ZNF438: variants seen among roughly 807,000 people sequenced by gnomAD.
ZNF438 encodes zinc finger protein 438.
A neutral mutation model predicts 38.0 loss-of-function variants in ZNF438; 25 were observed. That is an observed-to-expected ratio of 0.66 (90% CI 0.48 to 0.92). The LOEUF (loss-of-function observed/expected upper bound fraction) is 0.92, where lower values mean the gene tolerates loss of function less well. Ranked by LOEUF, ZNF438 falls within the 40% of genes least tolerant of loss-of-function variation. The pLI is 0.00. For synonymous variants in ZNF438, 372 were observed against 364.1 expected, an observed-to-expected ratio of 1.02 and a Z score of -0.25; for missense variants, 1,007 against 999.6, an observed-to-expected ratio of 1.01 and a Z score of -0.10.
chr10:30,892,925 A>G (rs567373462), intron 3 of ZNF438, among the ~76,000 whole-genome samples: 1 of 152,270 alleles, frequency 6.6e-6, no homozygotes, highest in South Asian at 2.1e-4. Flanking sequence ...TTTTTAACCC[A>G]CTGGTTGACA....
chr10:30,948,231 C>A (rs547253297), intron 1 of ZNF438, among the ~76,000 whole-genome samples: 3 of 152,206 alleles, frequency 2.0e-5, no homozygotes, highest in South Asian at 2.1e-4. Context: ...AAAGACATCC[C>A]CACCAAAAAC....
chr10:30,954,952 T>C (rs768596390), intron 1 of ZNF438, among the ~76,000 whole-genome samples: 10 of 152,172 alleles, frequency 6.6e-5, no homozygotes, highest in Non-Finnish European at 1.2e-4. Context: ...GGGAGAATCA[T>C]TATCAGGAGG....
At chr10:30,845,291 T>C (rs1296231860) in exon 6 of ZNF438, 2 of 1,614,120 alleles carry the variant, frequency 1.2e-6, no homozygotes, top group East Asian at 2.2e-5. Context: ...ATGCATGTGA[T>C]TCCTCGGAGG....
chr10:30,874,114 G>GTATATATA (rs58422289), intron 4 of ZNF438, among the ~76,000 whole-genome samples: 75 of 80,168 alleles, frequency 9.4e-4, no homozygotes, highest in Non-Finnish European at 1.2e-3. Flanking sequence ...GTGTGTGTGT[G>GTATATATA]TATATATATA....
chr10:30,845,226 A>C lies in ZNF438; in HGVS notation c.2222T>G (p.Met741Arg), dbSNP rs199764731. ...TCCTGACTGGGGTCCTTCATTTTCCATGAGCATTTCCACGCCATTCTGATG... is the reference window on the plus strand; with the variant it reads ...TCCTGACTGGGGTCCTTCATTTTCCCTGAGCATTTCCACGCCATTCTGATG... The change falls in exon 6 of 6, where the codon ATG becomes AGG. Residue 741 changes from methionine (M) to arginine (R), a missense_variant. Transcript: ENST00000413025. 2.4e-5 allele frequency: 38 copies of C among 1,614,062 alleles called. No homozygotes were observed. In the East Asian group the frequency reaches 8.2e-4, roughly 35 times the overall value.
intron 4 of ZNF438, among the ~76,000 whole-genome samples, chr10:30,874,136 ATATATATATATATATAT>A (rs2038017052): frequency 2.9e-5 from 2 of 69,720 alleles, no homozygotes; most frequent in Admixed American, 2.6e-4. Flanking sequence ...ATATATATAT[ATATATATATATATATAT>A]ATATATATAT....
chr10:30,906,910 T>C (rs1336650523), intron 3 of ZNF438, among the ~76,000 whole-genome samples: 1 of 152,194 alleles, frequency 6.6e-6, no homozygotes, highest in Non-Finnish European at 1.5e-5. Flanking sequence ...ATATATCCCA[T>C]TTGGTCTTGG....
chr10:30,954,201 G>A (rs56270206), intron 1 of ZNF438, among the ~76,000 whole-genome samples: 4,944 of 152,154 alleles, frequency 0.032, 244 homozygotes, highest in African/African-American at 0.11. Flanking sequence ...ATTTCTAGGC[G>A]AAAGGTTGAA....
At chr10:31,001,283 T>C (rs370948097) in intron 1 of ZNF438, among the ~76,000 whole-genome samples, 85 of 152,374 alleles carry the variant, frequency 5.6e-4, no homozygotes, top group African/African-American at 1.8e-3. Flanking sequence ...TCGCTGATAA[T>C]GTGAATGTAT....
intron 1 of ZNF438, among the ~76,000 whole-genome samples, chr10:30,948,151 C>A (rs996741896): frequency 6.6e-6 from 1 of 152,160 alleles, no homozygotes; most frequent in African/African-American, 2.4e-5. Flanking sequence ...CGACATCTCA[C>A]ACGGCAGGGT....
At chr10:30,850,421 A>G in intron 4 of ZNF438, 54 bp from the exon 6 acceptor site, 1 of 1,544,582 alleles carries the variant, frequency 6.5e-7, no homozygotes, top group South Asian at 1.3e-5. Flanking sequence ...TCTGTTAGTG[A>G]TACTTCAAAC....
chr10:30,874,661 C>T (rs1208928343), intron 4 of ZNF438, among the ~76,000 whole-genome samples: 1 of 151,778 alleles, frequency 6.6e-6, no homozygotes, highest in Non-Finnish European at 1.5e-5. Flanking sequence ...GTTATAATTT[C>T]TGCTCACTTT....
chr10:31,016,659 G>A (rs1001890160), intron 1 of ZNF438, among the ~76,000 whole-genome samples: 7 of 152,126 alleles, frequency 4.6e-5, no homozygotes, highest in Admixed American at 6.5e-5. Flanking sequence ...CTTCATTTAC[G>A]GGGATGGGAG....
chr10:30,961,892 G>GAAAAAAA lies in ZNF438; in HGVS notation c.-191-20248_-191-20242dup, dbSNP rs947031672. ...GACAGAGTGAGACTCCATCCCAAAA[G>GAAAAAAA]AAAAAAAAAAAAAAAAAGTTTTACA... On this transcript the variant is annotated intron_variant, in intron 1 of 5. Coordinates refer to ENST00000413025, the Ensembl canonical transcript of ZNF438. Among the ~76,000 whole-genome samples, 178 of 67,108 alleles carry GAAAAAAA rather than the reference G, an allele frequency of 2.7e-3. 3 individuals carry two copies. The highest frequency in any genetic ancestry group is 3.1e-3 in the Non-Finnish European group (97 of 31,232). 44.0% of individuals were successfully genotyped at this position (67,108 alleles called of 152,430 possible).
chr10:30,876,879 A>G, intron 4 of ZNF438, 119 bp downstream of exon 5: 1 of 669,040 alleles, frequency 1.5e-6, no homozygotes, highest in Non-Finnish European at 2.2e-6. Flanking sequence ...ATATAATTAT[A>G]ATTTTTATTT....
At chr10:30,850,589 T>G (rs533740552) in intron 4 of ZNF438, among the ~76,000 whole-genome samples, 1 of 152,318 alleles carries the variant, frequency 6.6e-6, no homozygotes, top group East Asian at 1.9e-4. Flanking sequence ...TAGCTCCTAT[T>G]ATGTTATTTA....
rs552002053 is a variant in ZNF438, at chr10:30,935,929, C to T, written c.-115+5646G>A. Among the ~76,000 whole-genome samples, 14 of 129,140 alleles carry T rather than the reference C, an allele frequency of 1.1e-4. No homozygotes were observed. In the South Asian group the frequency reaches 2.2e-3, roughly 20 times the overall value. 84.7% of individuals were successfully genotyped at this position (129,140 alleles called of 152,430 possible). A position where few individuals can be genotyped will look rare whatever the true frequency, so the allele number is the denominator to read the frequency against. On this transcript the variant is annotated intron_variant, in intron 2 of 5. Coordinates refer to ENST00000413025, the Ensembl canonical transcript of ZNF438. ...TCTCTCCTTAGACATGTGGAAATTA[C>T]GAGTATTACAATTCAAGATGAGATT...
intron 1 of ZNF438, among the ~76,000 whole-genome samples, chr10:30,957,694 A>G (rs1311518615): frequency 6.6e-6 from 1 of 152,068 alleles, no homozygotes; most frequent in East Asian, 1.9e-4. Flanking sequence ...TCTATTCTGT[A>G]CCACTGTCCT....
In ZNF438 at chr10:30,907,222, G is replaced by A. The variant is rs111291438; in HGVS notation, c.-32+1711C>T. ...ACTCCTCAACTCAGGTGACCCACCT[G>A]CCTTAGCCTCCCAAAGTGCTGGGAT... On this transcript the variant is annotated intron_variant, in intron 3 of 5. Transcript: ENST00000413025. 2.2e-3 allele frequency among the ~76,000 whole-genome samples: 339 copies of A among 152,288 alleles called. 5 individuals carry two copies. Among genetic ancestry groups the A allele is most frequent in the African/African-American group, 7.6e-3 (315 of 41,550 alleles).
Sources: gnomAD v4.1 joint callset for allele counts (sites outside exome capture counted in the v4.1 genomes callset) on GRCh38, gnomAD v4.1.1 for gene constraint, MANE v1.5 for transcripts, NCBI Gene and HGNC (gene_info 2026-07-23, HGNC 2026-07-21) for gene names.